The following FRMD4A variants were observed in gnomAD, a reference collection of about 807,000 sequenced individuals.
FRMD4A encodes FERM domain containing 4A.
Under a neutral mutation model 129.1 loss-of-function variants are expected in FRMD4A, and 29 were observed. That is an observed-to-expected ratio of 0.22 (90% CI 0.17 to 0.31). The LOEUF (loss-of-function observed/expected upper bound fraction) is 0.31. FRMD4A is among the 10% of genes least tolerant of loss of function. FRMD4A has a pLI of 1.00. For synonymous variants in FRMD4A, 634 were observed against 571.6 expected (o/e 1.11, Z -1.56); for missense variants, 1,272 against 1,375.8 (o/e 0.92, Z 1.19).
chr10:13,717,689 C>CTT (rs1564680751), intron 12 of FRMD4A, among the ~76,000 whole-genome samples: 2 of 44,486 alleles, frequency 4.5e-5, no homozygotes, highest in East Asian at 7.6e-4. Context: ...ACCTGTTGTT[C>CTT]TTGTTTTTTT....
At chr10:13,852,792 C>T (rs572930107) in intron 3 of FRMD4A, among the ~76,000 whole-genome samples, 1 of 152,204 alleles carries the variant, frequency 6.6e-6, no homozygotes, top group Admixed American at 6.5e-5. Flanking sequence ...GCACTGGCCA[C>T]ATTTTGCTCA....
At chr10:13,772,066 G>A (rs2092470147) in intron 6 of FRMD4A, among the ~76,000 whole-genome samples, 1 of 150,328 alleles carries the variant, frequency 6.7e-6, no homozygotes, top group Non-Finnish European at 1.5e-5. Flanking sequence ...GCAGTGAGCT[G>A]AGATCACGTC....
intron 21 of FRMD4A, among the ~76,000 whole-genome samples, chr10:13,658,931 A>AT (rs1453611528): frequency 6.6e-6 from 1 of 151,448 alleles, no homozygotes; most frequent in Non-Finnish European, 1.5e-5. Context: ...CTGAAGCCTC[A>AT]TTTTTGCCTG....
intron 2 of FRMD4A, among the ~76,000 whole-genome samples, chr10:14,061,581 TC>T (rs1163298952): frequency 1.3e-5 from 2 of 152,214 alleles, no homozygotes; most frequent in Admixed American, 6.5e-5. Flanking sequence ...TTTGTCAATT[TC>T]CTCCCTATCC....
At chr10:13,783,706 G>C (rs890960668) in intron 5 of FRMD4A, among the ~76,000 whole-genome samples, 3 of 152,176 alleles carry the variant, frequency 2.0e-5, no homozygotes, top group Non-Finnish European at 4.4e-5. Flanking sequence ...CTTAATCACA[G>C]CTTTCTTTGA....
chr10:14,216,872 C>T (rs1428504544), intron 2 of FRMD4A, among the ~76,000 whole-genome samples: 1 of 152,136 alleles, frequency 6.6e-6, no homozygotes, highest in East Asian at 1.9e-4. Flanking sequence ...CATTTCTACT[C>T]TCTTCTTTTG....
At chr10:13,938,739 G>A (rs2095268197) in intron 2 of FRMD4A, among the ~76,000 whole-genome samples, 1 of 152,210 alleles carries the variant, frequency 6.6e-6, no homozygotes, top group Non-Finnish European at 1.5e-5. Context: ...GGCAACATCA[G>A]GAGATATGTT....
chr10:14,075,408 C>G (rs972960773), intron 2 of FRMD4A, among the ~76,000 whole-genome samples: 2 of 152,126 alleles, frequency 1.3e-5, no homozygotes, highest in Non-Finnish European at 2.9e-5. Context: ...TTTCTATTTT[C>G]CAAATCAGGA....
intron 2 of FRMD4A, among the ~76,000 whole-genome samples, chr10:13,884,180 A>T (rs201021803): frequency 0.038 from 3,004 of 78,304 alleles, 113 homozygotes; most frequent in African/African-American, 0.1. Flanking sequence ...ACACACTCAC[A>T]CACACACACA....
intron 2 of FRMD4A, among the ~76,000 whole-genome samples, chr10:14,154,469 G>C (rs925666180): frequency 6.6e-6 from 1 of 152,140 alleles, no homozygotes; most frequent in African/African-American, 2.4e-5. Flanking sequence ...TAGACCCCCA[G>C]TGCTGGCTTA....
In FRMD4A at chr10:13,656,714, ACTG is replaced by A; in HGVS notation, c.2872_2874del (p.Gln958del). 1.9e-6 allele frequency: 3 copies of A among 1,587,314 alleles called. No individual in the cohort carries two copies. The highest frequency in any genetic ancestry group is 2.6e-6 in the Non-Finnish European group (3 of 1,168,186). On this transcript the variant is annotated inframe_deletion, in exon 22 of 25. Transcript: ENST00000357447. ...AAGGTGCTCTGGGAGGAGGTGCTGT[ACTG>A]CGAGCCGCTGTCCGAGGAGGTGGAG...
At chr10:14,213,780 A>C (rs1160403062) in intron 2 of FRMD4A, among the ~76,000 whole-genome samples, 1 of 152,110 alleles carries the variant, frequency 6.6e-6, no homozygotes, top group African/African-American at 2.4e-5. Context: ...ATAATCCCCA[A>C]GTGTTGCGGG....
intron 15 of FRMD4A, among the ~76,000 whole-genome samples, chr10:13,678,853 A>G (rs1489678251): frequency 1.3e-5 from 2 of 152,244 alleles, no homozygotes; most frequent in Non-Finnish European, 2.9e-5. Flanking sequence ...TGGTAATCAG[A>G]TCAGGATAAT....
At chr10:14,041,251 A>T (rs1309319276) in intron 2 of FRMD4A, among the ~76,000 whole-genome samples, 1 of 152,192 alleles carries the variant, frequency 6.6e-6, no homozygotes, top group African/African-American at 2.4e-5. Context: ...CTGTGCCTCA[A>T]ATTCTTCTGA....
intron 2 of FRMD4A, among the ~76,000 whole-genome samples, chr10:14,089,635 A>AAAC (rs1554754929): frequency 2.8e-5 from 4 of 142,346 alleles, no homozygotes; most frequent in East Asian, 2.6e-4. Context: ...AAAAACAAAA[A>AAAC]AAAACAAACA....
In FRMD4A at chr10:14,019,906, T is replaced by C. The variant is rs376756268; in HGVS notation, c.46-160994A>G. Among the ~76,000 whole-genome samples the C allele has an allele frequency of 3.4e-3, 518 of 152,364 alleles. 3 individuals are homozygous for C. Among genetic ancestry groups the C allele is most frequent in the African/African-American group, 0.012 (484 of 41,586 alleles). On this transcript the variant is annotated intron_variant, in intron 2 of 24. Transcript: ENST00000357447. ...GCTTGATTTCCTCTGTTTCTTTTTTTCCTTTGGGGTGCGTTGTGGGGCTCC... is the reference window on the plus strand; with the variant it reads ...GCTTGATTTCCTCTGTTTCTTTTTTCCCTTTGGGGTGCGTTGTGGGGCTCC...
At chr10:14,187,146 GGAAA>G (rs1842172636) in intron 2 of FRMD4A, among the ~76,000 whole-genome samples, 1 of 134,030 alleles carries the variant, frequency 7.5e-6, no homozygotes, top group Non-Finnish European at 1.6e-5. Context: ...AAGGAAGGAA[GGAAA>G]GAAGGAAGGG....
chr10:13,938,329 C>T (rs999784754), intron 2 of FRMD4A, among the ~76,000 whole-genome samples: 1 of 151,984 alleles, frequency 6.6e-6, no homozygotes, highest in South Asian at 2.1e-4. Context: ...GAAACCTCTG[C>T]CCCCCGGGTT....
chr10:14,228,063 A>G (rs1843507939), intron 2 of FRMD4A, among the ~76,000 whole-genome samples: 1 of 152,098 alleles, frequency 6.6e-6, no homozygotes, highest in Non-Finnish European at 1.5e-5. Flanking sequence ...TAGTAGAGAC[A>G]GGGTTTCACC....
Sources: allele counts gnomAD v4.1 joint callset (sites outside exome capture counted in the v4.1 genomes callset), GRCh38; gene constraint gnomAD v4.1.1; transcripts MANE v1.5; gene names NCBI Gene and HGNC (gene_info 2026-07-23, HGNC 2026-07-21).